The following LUZP1 variants were observed in gnomAD, a reference collection of about 807,000 sequenced individuals.
LUZP1 encodes leucine zipper protein 1, also known as filamin mechanobinding actin cross-linking protein.
LUZP1 carries 25 observed loss-of-function variants against 71.3 expected under a neutral mutation model. That is an observed-to-expected ratio of 0.35 (90% CI 0.26 to 0.49). The LOEUF is 0.49. Among genes scored for constraint, LUZP1 ranks in the 20% least tolerant of loss-of-function variants. LUZP1 has a pLI of 0.99. For synonymous variants in LUZP1, 481 were observed against 506.4 expected (o/e 0.95, Z 0.67); for missense variants, 1,142 against 1,300.8 (o/e 0.88, Z 1.88).
chr1:23,145,375 T>C (rs749727606), intron 2 of LUZP1, among the ~76,000 whole-genome samples: 1 of 152,138 alleles, frequency 6.6e-6, no homozygotes, highest in African/African-American at 2.4e-5. Flanking sequence ...TAATAGGTAA[T>C]ATTTATTGTG....
At chr1:23,100,582 T>C (rs1408325424) in intron 3 of LUZP1, among the ~76,000 whole-genome samples, 1 of 152,210 alleles carries the variant, frequency 6.6e-6, no homozygotes, top group African/African-American at 2.4e-5. Context: ...TAGAAAACAT[T>C]TCTGGATCTT....
At chr1:23,118,188 G>T (rs1349060879) in intron 2 of LUZP1, among the ~76,000 whole-genome samples, 2 of 151,514 alleles carry the variant, frequency 1.3e-5, no homozygotes, top group Admixed American at 6.6e-5. Context: ...GATCACTTGA[G>T]GTCAGGAGTT....
intron 4 of LUZP1, chr1:23,090,800 C>G (rs969897781): frequency 2.0e-5 from 14 of 710,292 alleles, no homozygotes. Flanking sequence ...GAAAGGGCAC[C>G]GGGCCTCCTC....
intron 2 of LUZP1, among the ~76,000 whole-genome samples, chr1:23,135,438 T>G (rs1360425369): frequency 6.6e-6 from 1 of 152,120 alleles, no homozygotes; most frequent in African/African-American, 2.4e-5. Flanking sequence ...TGGGGTGGAG[T>G]TGGGTAGACT....
chr1:23,130,953 C>T (rs1030275318), intron 2 of LUZP1, among the ~76,000 whole-genome samples: 1 of 152,040 alleles, frequency 6.6e-6, no homozygotes, highest in South Asian at 2.1e-4. Context: ...CACAGTGGCT[C>T]ACACCTGTAA....
intron 2 of LUZP1, among the ~76,000 whole-genome samples, chr1:23,132,512 T>TAA (rs11311477): frequency 7.6e-5 from 11 of 144,974 alleles, no homozygotes; most frequent in Admixed American, 2.1e-4. Flanking sequence ...ACTTCTTGTT[T>TAA]AAAAAAAAAA....
At chr1:23,123,870 G>A (rs541268603) in intron 2 of LUZP1, among the ~76,000 whole-genome samples, 18 of 152,216 alleles carry the variant, frequency 1.2e-4, no homozygotes, top group Admixed American at 2.0e-4. Context: ...CCCAAGAGTA[G>A]TCACTTGGGA....
chr1:23,150,630 G>A (rs779846923), intron 2 of LUZP1, among the ~76,000 whole-genome samples: 95 of 152,280 alleles, frequency 6.2e-4, no homozygotes, highest in Middle Eastern at 3.4e-3. Context: ...CAATAAGGCA[G>A]ACGGAACTTT....
At chr1:23,102,097 A>G (rs1643936246) in intron 3 of LUZP1, among the ~76,000 whole-genome samples, 2 of 152,124 alleles carry the variant, frequency 1.3e-5, no homozygotes, top group African/African-American at 4.8e-5. Flanking sequence ...AGAAGTGATT[A>G]AATGTGCCTA....
At chr1:23,121,560 AT>A (rs1486647239) in intron 2 of LUZP1, among the ~76,000 whole-genome samples, 1 of 152,208 alleles carries the variant, frequency 6.6e-6, no homozygotes, top group Non-Finnish European at 1.5e-5. Flanking sequence ...TCTATAAAAA[AT>A]AAAACAAAAT....
intron 2 of LUZP1, among the ~76,000 whole-genome samples, chr1:23,166,630 G>A (rs1013763159): frequency 1.4e-5 from 2 of 142,956 alleles, no homozygotes; most frequent in Non-Finnish European, 3.0e-5. Context: ...ACTACAGCCT[G>A]GGTGACACAG....
chr1:23,133,315 G>A (rs1012042338), intron 2 of LUZP1: 1 of 152,056 alleles, frequency 6.6e-6, no homozygotes, highest in Non-Finnish European at 1.5e-5. Flanking sequence ...AATCACAACC[G>A]CCAGTGTAAT....
intron 2 of LUZP1, among the ~76,000 whole-genome samples, chr1:23,126,725 G>A (rs1002556850): frequency 3.3e-5 from 5 of 152,162 alleles, no homozygotes; most frequent in African/African-American, 7.2e-5. Context: ...ACTGTCAGCT[G>A]TACCTTTCAT....
At chr1:23,116,627 G>GGAAAA (rs949839143) in intron 2 of LUZP1, among the ~76,000 whole-genome samples, 2 of 151,378 alleles carry the variant, frequency 1.3e-5, no homozygotes, top group African/African-American at 2.4e-5. Flanking sequence ...GAAAAGAAAA[G>GGAAAA]GAAAAGAAAA....
At chr1:23,092,731 A>C (rs1485109991) in exon 4 of LUZP1, 2 of 1,613,022 alleles carry the variant, frequency 1.2e-6, no homozygotes. Flanking sequence ...GTGTCACTAA[A>C]CGTTCGTGTT....
rs942549562 is a variant in LUZP1 at position 23,134,969 on chromosome 1, C to A, written c.-225-25842G>T. Among the ~76,000 whole-genome samples, 5 of 152,154 alleles carry A rather than the reference C, an allele frequency of 3.3e-5. 1 individual carries two copies. In the South Asian group the frequency reaches 1.0e-3, roughly 32 times the overall value. On this transcript the variant is annotated intron_variant, in intron 2 of 4. Coordinates refer to ENST00000302291, the Ensembl canonical transcript of LUZP1. ...CCAGCATGCAGTAGCTATTCTTCCT[C>A]ATGCTCTCCCTCCTCCCACCCCTGC...
At chr1:23,117,255 T>C (rs1039840921) in intron 2 of LUZP1, among the ~76,000 whole-genome samples, 1 of 152,160 alleles carries the variant, frequency 6.6e-6, no homozygotes, top group Non-Finnish European at 1.5e-5. Context: ...CAGTCACATA[T>C]TACTTTAAGT....
intron 2 of LUZP1, among the ~76,000 whole-genome samples, chr1:23,155,713 G>A (rs780260706): frequency 6.6e-6 from 1 of 152,166 alleles, no homozygotes; most frequent in Non-Finnish European, 1.5e-5. Flanking sequence ...CTACTCGGAA[G>A]GCTGAGATGA....
intron 2 of LUZP1, among the ~76,000 whole-genome samples, chr1:23,153,284 G>A (rs188852132): frequency 1.4e-4 from 21 of 152,164 alleles, no homozygotes; most frequent in Non-Finnish European, 2.2e-4. Context: ...CTCTATCTTT[G>A]CCCTTGATTT....
Sources: gnomAD v4.1 joint callset for allele counts (sites outside exome capture counted in the v4.1 genomes callset) on GRCh38, gnomAD v4.1.1 for gene constraint, MANE v1.5 for transcripts, NCBI Gene and HGNC (gene_info 2026-07-23, HGNC 2026-07-21) for gene names.